ALK: variants seen among roughly 807,000 people sequenced by gnomAD.
ALK encodes the protein ALK tyrosine kinase receptor.
In ALK, 74 loss-of-function variants were observed where a neutral mutation model predicts 163.1. The ratio of observed to expected loss-of-function variants is 0.45; its 90% CI spans 0.38 to 0.55. The LOEUF (loss-of-function observed/expected upper bound fraction) is 0.55. Among genes scored for constraint, ALK ranks in the 20% least tolerant of loss-of-function variants. ALK has a pLI of 0.00. For synonymous variants in ALK, 960 were observed against 843.2 expected (o/e 1.14, Z -2.40); for missense variants, 2,063 against 2,105.3 (o/e 0.98, Z 0.39).
chr2:29,254,964 C>T (rs1528424), intron 11 of ALK, among the ~76,000 whole-genome samples: 109,171 of 152,078 alleles, frequency 0.72, 39,474 homozygotes, highest in East Asian at 0.77. Context: ...TGATTTCAGA[C>T]GGATGGGCCT....
intron 3 of ALK, among the ~76,000 whole-genome samples, chr2:29,644,578 C>T (rs1676819884): frequency 8.0e-5 from 1 of 12,526 alleles, no homozygotes; most frequent in Non-Finnish European, 1.7e-4. Context: ...TTTTTTTTTC[C>T]CCCCACTCTC....
chr2:29,338,654 T>C (rs1028971547), intron 5 of ALK, among the ~76,000 whole-genome samples: 2 of 152,226 alleles, frequency 1.3e-5, no homozygotes, highest in African/African-American at 4.8e-5. Context: ...TATATCTGCA[T>C]TGCCAGCTTC....
intron 1 of ALK, among the ~76,000 whole-genome samples, chr2:29,802,834 G>A (rs1664520863): frequency 2.0e-5 from 3 of 149,904 alleles, no homozygotes; most frequent in Admixed American, 2.0e-4. Flanking sequence ...ATGAGGAGAA[G>A]GAGGAAAGGG....
chr2:29,842,746 A>G (rs186746287), intron 1 of ALK, among the ~76,000 whole-genome samples: 4 of 152,312 alleles, frequency 2.6e-5, no homozygotes, highest in Non-Finnish European at 4.4e-5. Context: ...ATGTGCCTGC[A>G]TTGGACTGTG....
chr2:29,728,510 C>G (rs1679637769), intron 1 of ALK, among the ~76,000 whole-genome samples: 1 of 152,178 alleles, frequency 6.6e-6, no homozygotes, highest in Admixed American at 6.5e-5. Context: ...CTCTCAAGTC[C>G]TTTTGACATC....
intron 3 of ALK, among the ~76,000 whole-genome samples, chr2:29,567,628 C>G (rs758583330): frequency 2.0e-5 from 3 of 152,116 alleles, no homozygotes; most frequent in Admixed American, 6.5e-5. Context: ...TGCATGCTTG[C>G]TCCTTTTGGG....
Position 29,360,803 on chromosome 2 carries a change from C to T in ALK, c.1282+22929G>A, listed in dbSNP as rs576737291. On this transcript the variant is annotated intron_variant, in intron 5 of 28. Coordinates refer to ENST00000389048, the MANE Select transcript of ALK (RefSeq NM_004304.5). ...GAATTAATTATACTTAATTTATGTG[C>T]TTTCTAGTTGGTATTTATCTATGAG... Among the ~76,000 whole-genome samples, 128 of 152,274 alleles carry T rather than the reference C, an allele frequency of 8.4e-4. No individual in the cohort carries two copies. The Middle Eastern group carries it at 0.014, about 16-fold the overall frequency.
rs4302186 is a variant in ALK, at chr2:29,907,184, G to A, written c.667+12809C>T. On this transcript the variant is annotated intron_variant, in intron 1 of 28. Coordinates refer to ENST00000389048, the MANE Select transcript of ALK (RefSeq NM_004304.5). ...AACGGCATCTAAGTCCTGTATAAGA[G>A]TCTGCACCTAGATTGAATGGTTTTG... 3.2e-3 allele frequency: 487 copies of A among 152,054 alleles called. 2 individuals are homozygous for A. Among genetic ancestry groups the A allele is most frequent in the African/African-American group, 0.011 (473 of 41,496 alleles). 9.4% of individuals were successfully genotyped at this position (152,054 alleles called of 1,614,324 possible). A position where few individuals can be genotyped will look rare whatever the true frequency, so the allele number is the denominator to read the frequency against.
chr2:29,490,486 T>C (rs1021069355), intron 4 of ALK, among the ~76,000 whole-genome samples: 2 of 152,144 alleles, frequency 1.3e-5, no homozygotes, highest in Non-Finnish European at 1.5e-5. Flanking sequence ...TTGTTAGAAA[T>C]GCAAATTATT....
At chr2:29,264,307 A>G (rs750990311) in intron 11 of ALK, among the ~76,000 whole-genome samples, 3 of 152,176 alleles carry the variant, frequency 2.0e-5, no homozygotes, top group Non-Finnish European at 2.9e-5. Flanking sequence ...GCATCTTAAT[A>G]TTAGTAGCCA....
intron 1 of ALK, among the ~76,000 whole-genome samples, chr2:29,720,729 C>T (rs1356658087): frequency 6.6e-6 from 1 of 152,192 alleles, no homozygotes; most frequent in Non-Finnish European, 1.5e-5. Flanking sequence ...AAGACACTGT[C>T]TGTTCCCATC....
intron 5 of ALK, among the ~76,000 whole-genome samples, chr2:29,343,140 C>T (rs571072906): frequency 2.9e-4 from 44 of 151,456 alleles, no homozygotes; most frequent in African/African-American, 1.0e-3. Flanking sequence ...CCCACCTTGG[C>T]CTCCCTAAGG....
intron 26 of ALK, among the ~76,000 whole-genome samples, chr2:29,199,150 C>T (rs112989735): frequency 0.05 from 7,566 of 151,972 alleles, 263 homozygotes; most frequent in Non-Finnish European, 0.076. Flanking sequence ...GACAGGGTTT[C>T]GTCATGTTGG....
At chr2:29,447,912 G>A (rs559293314) in intron 4 of ALK, among the ~76,000 whole-genome samples, 18 of 152,182 alleles carry the variant, frequency 1.2e-4, no homozygotes, top group Non-Finnish European at 2.6e-4. Flanking sequence ...AGAAAGGGAT[G>A]TTGCCTTTGT....
At chr2:29,203,270 C>T (rs955765222) in intron 26 of ALK, among the ~76,000 whole-genome samples, 1 of 151,932 alleles carries the variant, frequency 6.6e-6, no homozygotes, top group South Asian at 2.1e-4. Flanking sequence ...TATTTGTGGC[C>T]GCACCATCTT....
At chr2:29,327,254 A>G (rs966430224) in intron 6 of ALK, among the ~76,000 whole-genome samples, 1 of 152,086 alleles carries the variant, frequency 6.6e-6, no homozygotes, top group African/African-American at 2.4e-5. Context: ...AAGTTTCCCA[A>G]CTCATTCTTT....
intron 23 of ALK, 105 bp downstream of exon 23, chr2:29,220,601 G>C (rs2148165972): frequency 6.5e-7 from 1 of 1,533,692 alleles, no homozygotes; most frequent in South Asian, 1.2e-5. Context: ...TTGACACCCT[G>C]GGTTCCATCG....
chr2:29,571,602 C>CTTTTTTTTTTTTTTTTTTTTTTT lies in ALK; in HGVS notation c.953-39509_953-39487dup, dbSNP rs60429543. Among the ~76,000 whole-genome samples, 19 of 68,530 alleles carry CTTTTTTTTTTTTTTTTTTTTTTT rather than the reference C, an allele frequency of 2.8e-4. 3 individuals carry two copies. Among genetic ancestry groups the CTTTTTTTTTTTTTTTTTTTTTTT allele is most frequent in the East Asian group, 7.5e-4 (2 of 2,668 alleles). 45.0% of individuals were successfully genotyped at this position (68,530 alleles called of 152,430 possible). On this transcript the variant is annotated intron_variant, in intron 3 of 28. Coordinates refer to ENST00000389048, the MANE Select transcript of ALK (RefSeq NM_004304.5). ...TAAATTACCTAGTCTTGGCTCATATCTTTTTTTTTTTTTTTTTTTTTTTTT... is the reference window on the plus strand; with the variant it reads ...TAAATTACCTAGTCTTGGCTCATATCTTTTTTTTTTTTTTTTTTTTTTTTTTTTTTTTTTTTTTTTTTTTTTTT...
intron 3 of ALK, among the ~76,000 whole-genome samples, chr2:29,672,945 T>TC (rs1393030760): frequency 7.5e-6 from 1 of 132,744 alleles, no homozygotes; most frequent in East Asian, 2.2e-4. Flanking sequence ...GAGCATTTTT[T>TC]CATGTGTTTT....
Sources: allele counts gnomAD v4.1 joint callset (sites outside exome capture counted in the v4.1 genomes callset), GRCh38; gene constraint gnomAD v4.1.1; transcripts MANE v1.5; gene names NCBI Gene and HGNC (gene_info 2026-07-23, HGNC 2026-07-21).